Variants in ABL1 observed in about 807,000 individuals in gnomAD.
ABL1 encodes the protein ABL proto-oncogene 1, non-receptor tyrosine kinase.
In ABL1, 11 loss-of-function variants were observed where a neutral mutation model predicts 94.7. The ratio of observed to expected loss-of-function variants is 0.12; its 90% CI spans 0.07 to 0.19. The LOEUF is 0.19. ABL1 is among the 10% of genes least tolerant of loss of function. The pLI is 1.00. For synonymous variants in ABL1, 656 were observed against 622.4 expected (o/e 1.05, Z -0.80); for missense variants, 1,082 against 1,489.4 (o/e 0.73, Z 4.50).
intron 4 of ABL1, among the ~76,000 whole-genome samples, chr9:130,865,039 A>G (rs1036911834): frequency 3.3e-5 from 5 of 152,352 alleles, no homozygotes; most frequent in Middle Eastern, 6.8e-3. Flanking sequence ...AGGAGACTCC[A>G]GAGAAGGGTA....
intron 1 of ABL1, among the ~76,000 whole-genome samples, chr9:130,795,989 G>A (rs1267875387): frequency 1.3e-5 from 2 of 150,136 alleles, no homozygotes; most frequent in African/African-American, 2.5e-5. Context: ...GTCGGAGTTC[G>A]AGGCTAAAAC....
intron 1 of ABL1, chr9:130,714,638 T>C (rs1160367131): frequency 8.6e-6 from 7 of 817,678 alleles, no homozygotes; most frequent in Non-Finnish European, 1.4e-5. Flanking sequence ...TGACTTCGGC[T>C]TTATTCAAAA....
intron 1 of ABL1, among the ~76,000 whole-genome samples, chr9:130,799,676 A>G (rs1400283389): frequency 1.3e-5 from 2 of 152,202 alleles, no homozygotes; most frequent in African/African-American, 4.8e-5. Flanking sequence ...AGTGTTGACC[A>G]TTATTAATAT....
intron 1 of ABL1, among the ~76,000 whole-genome samples, chr9:130,724,567 T>C (rs571985484): frequency 2.0e-4 from 31 of 151,922 alleles, no homozygotes; most frequent in African/African-American, 3.6e-4. Context: ...CCCAGCACTT[T>C]AGGAGGCCAA....
chr9:130,833,161 T>C (rs1292286438), upstream of ABL1, among the ~76,000 whole-genome samples: 1 of 152,220 alleles, frequency 6.6e-6, no homozygotes, highest in African/African-American at 2.4e-5. Flanking sequence ...TGGGCCTATA[T>C]TAACAGACGG....
At chr9:130,729,263 T>C (rs917899121) in intron 1 of ABL1, among the ~76,000 whole-genome samples, 2 of 152,328 alleles carry the variant, frequency 1.3e-5, no homozygotes. Context: ...TCTGTGTCTG[T>C]GCAGTTCTCA....
chr9:130,844,402 G>C (rs1352374547), intron 1 of ABL1, among the ~76,000 whole-genome samples: 1 of 152,168 alleles, frequency 6.6e-6, no homozygotes, highest in Non-Finnish European at 1.5e-5. Flanking sequence ...TGGCCTTGAA[G>C]ATAGTGGCAT....
intron 1 of ABL1, among the ~76,000 whole-genome samples, chr9:130,818,874 A>G (rs180979454): frequency 1.3e-5 from 2 of 152,318 alleles, no homozygotes; most frequent in East Asian, 1.9e-4. Flanking sequence ...CTATATCTGC[A>G]TTTCCAATTT....
intron 1 of ABL1, among the ~76,000 whole-genome samples, chr9:130,758,024 C>A (rs1427237466): frequency 1.3e-5 from 2 of 152,100 alleles, no homozygotes; most frequent in African/African-American, 2.4e-5. Flanking sequence ...TTATAATAAT[C>A]CCTTCCTTGA....
rs1831430725 is a variant in ABL1, at chr9:130,880,383, C to G, written c.1514-117C>G. The G allele has an allele frequency of 7.6e-7, 1 of 1,317,174 alleles. No homozygotes were observed. The highest frequency in any genetic ancestry group is 1.1e-6 in the Non-Finnish European group (1 of 951,448). The allele number at this position is 1,317,174 out of a possible 1,614,324, so 81.6% of individuals were successfully genotyped here. ...TTTCTCCGGTATCCACGTGCCTTTT[C>G]TTTAGTTGTATGCAGATGAGCACTG... On this transcript the variant is annotated intron_variant, in intron 9 of 10. Coordinates refer to ENST00000318560, the MANE Select transcript of ABL1 (RefSeq NM_005157.6). This position sits in a 1 kb window ranked among gnomAD's most constrained non-coding sequence, Gnocchi z 4.4.
intron 1 of ABL1, among the ~76,000 whole-genome samples, chr9:130,777,607 T>C (rs1211024505): frequency 7.6e-5 from 7 of 92,522 alleles, no homozygotes; most frequent in African/African-American, 1.4e-4. Context: ...CAGGGCTTTG[T>C]GTTGGGACGC....
At chr9:130,878,589 C>G in intron 8 of ABL1, 22 bp downstream of exon 8, 1 of 1,612,400 alleles carries the variant, frequency 6.2e-7, no homozygotes, top group Non-Finnish European at 8.5e-7. Context: ...TCAGCCTGTT[C>G]TCACGAGTAT....
At chr9:130,759,493 ACAT>A (rs1487528733) in intron 1 of ABL1, among the ~76,000 whole-genome samples, 1 of 152,226 alleles carries the variant, frequency 6.6e-6, no homozygotes, top group Non-Finnish European at 1.5e-5. Context: ...TTTTTGTCTA[ACAT>A]CATTTTCACA....
In ABL1 at chr9:130,884,215, G is replaced by T; in HGVS notation, c.1925G>T (p.Ser642Ile). The T allele has an allele frequency of 6.2e-7, 1 of 1,608,552 alleles. No individual in the cohort carries two copies. The highest frequency in any genetic ancestry group is 8.5e-7 in the Non-Finnish European group (1 of 1,178,104). Residue 642 changes from serine (S) to isoleucine (I), a missense_variant, in exon 11 of 11, where the codon AGC (serine) becomes ATC (isoleucine). Coordinates refer to ENST00000318560, the MANE Select transcript of ABL1 (RefSeq NM_005157.6). The surrounding 1 kb of genome is among the most constrained non-coding windows in gnomAD (Gnocchi z 5.6). ...GGCGAGGAAGAGGGCCGAGACATCAGCAACGGGGCACTGGCTTTCACCCCC... is the reference window on the plus strand; with the variant it reads ...GGCGAGGAAGAGGGCCGAGACATCATCAACGGGGCACTGGCTTTCACCCCC... Reference protein sequence around the residue: ...GAGEEEGRDISNGALAFTPLD... With the variant: ...GAGEEEGRDIINGALAFTPLD...
At position 130,821,502 on chromosome 9, in the gene ABL1, C is replaced by T. The variant is rs990554703; in HGVS notation, c.137-32562C>T. Among the ~76,000 whole-genome samples the T allele has an allele frequency of 2.7e-4, 41 of 151,976 alleles. 1 individual carries two copies. The highest frequency in any genetic ancestry group is 2.1e-4 in the South Asian group (1 of 4,822). ...TATCACTGAGTATTATTCCATTGTA[C>T]GGACATACATTTTTCTCTATTCACT... is the stretch of plus-strand genomic sequence containing the variant. On this transcript the variant is annotated intron_variant, in intron 1 of 10. Transcript: ENST00000372348.
intron 1 of ABL1, among the ~76,000 whole-genome samples, chr9:130,838,462 A>C (rs957280882): frequency 1.3e-5 from 2 of 152,214 alleles, no homozygotes; most frequent in Non-Finnish European, 2.9e-5. Context: ...AGAAATCCTA[A>C]AAGGGTATTT....
At chr9:130,873,298 T>G (rs979569296) in intron 6 of ABL1, among the ~76,000 whole-genome samples, 1 of 152,246 alleles carries the variant, frequency 6.6e-6, no homozygotes, top group African/African-American at 2.4e-5. Context: ...ATATTTCATT[T>G]TTGAACCATT....
At chr9:130,720,979 G>A (rs1831506819) in intron 1 of ABL1, among the ~76,000 whole-genome samples, 1 of 151,376 alleles carries the variant, frequency 6.6e-6, no homozygotes, top group Non-Finnish European at 1.5e-5. Context: ...ACTCCAGCCT[G>A]GGCAACAGAG....
chr9:130,829,920 A>C (rs1830474655), intron 1 of ABL1, among the ~76,000 whole-genome samples: 2 of 152,222 alleles, frequency 1.3e-5, no homozygotes, highest in African/African-American at 4.8e-5. Context: ...GATAAATCTA[A>C]TGAATTCAGA....
Sources: gnomAD v4.1 joint callset for allele counts (sites outside exome capture counted in the v4.1 genomes callset) on GRCh38, gnomAD v4.1.1 for gene constraint, Gnocchi (gnomAD v3.1) non-coding constraint, MANE v1.5 for transcripts, NCBI Gene and HGNC (gene_info 2026-07-23, HGNC 2026-07-21) for gene names.